The following NPHP4 variants were observed in gnomAD, a reference collection of about 807,000 sequenced individuals.
NPHP4 encodes nephrocystin-4.
In NPHP4, 151 loss-of-function variants were observed where a neutral mutation model predicts 155.8. The observed-to-expected ratio is 0.97, with a 90% CI of 0.85 to 1.11. The LOEUF is 1.11. NPHP4 is among the 50% of genes least tolerant of loss of function. The pLI is 0.00. For synonymous variants in NPHP4, 845 were observed against 816.8 expected (o/e 1.03, Z -0.59); for missense variants, 1,956 against 1,925.7 (o/e 1.02, Z -0.29).
intron 11 of NPHP4, among the ~76,000 whole-genome samples, chr1:5,913,966 G>A (rs933543164): frequency 1.3e-5 from 2 of 152,014 alleles, no homozygotes; most frequent in Non-Finnish European, 2.9e-5. Context: ...CCCCATGGCC[G>A]CCAGGCACGC....
intron 19 of NPHP4, among the ~76,000 whole-genome samples, chr1:5,878,084 G>C (rs1642807105): frequency 1.3e-5 from 2 of 152,290 alleles, no homozygotes; most frequent in South Asian, 4.1e-4. Flanking sequence ...GGGCAGCTGA[G>C]AGGCGCCCCA....
chr1:5,967,610 G>A (rs1271904532), intron 4 of NPHP4, among the ~76,000 whole-genome samples: 1 of 152,162 alleles, frequency 6.6e-6, no homozygotes, highest in African/African-American at 2.4e-5. Flanking sequence ...GAGCTTTCCT[G>A]GAAAACACCA....
intron 19 of NPHP4, among the ~76,000 whole-genome samples, chr1:5,878,566 G>A (rs1642862865): frequency 6.6e-6 from 1 of 152,242 alleles, no homozygotes; most frequent in Non-Finnish European, 1.5e-5. Context: ...ACGAAGCACT[G>A]AGAACCTTCT....
chr1:5,921,019 T>A (rs1295625056), intron 11 of NPHP4, among the ~76,000 whole-genome samples: 1 of 152,272 alleles, frequency 6.6e-6, no homozygotes, highest in East Asian at 1.9e-4. Flanking sequence ...CATCCCATTT[T>A]ACAGCTGAGG....
chr1:5,939,439 A>G (rs955691865), intron 9 of NPHP4, among the ~76,000 whole-genome samples: 2 of 152,124 alleles, frequency 1.3e-5, no homozygotes, highest in African/African-American at 2.4e-5. Flanking sequence ...TCTGGGCCCC[A>G]GCGGCTGGCA....
chr1:5,877,250 A>T lies in NPHP4; in HGVS notation c.2660T>A (p.Leu887Gln). ...AQKLADVDSE[L>Q]AAMLLTHARQ... is the part of the protein sequence containing the mutation. ...GGCATGGGTCAGTAGCATGGCAGCC[A>T]GCTCACTGTCCACGTCCGCCAGCTT... is the stretch of plus-strand genomic sequence containing the variant. Residue 887 changes from leucine to glutamine, a missense_variant, in exon 20 of 30, where the codon CTG (leucine) becomes CAG (glutamine). Coordinates refer to ENST00000378156, the MANE Select transcript of NPHP4 (RefSeq NM_015102.5). 6.2e-7 allele frequency: 1 copy of T among 1,608,458 alleles called. No individual in the cohort carries two copies. The highest frequency in any genetic ancestry group is 8.5e-7 in the Non-Finnish European group (1 of 1,176,092).
chr1:5,864,669 T>C lies in NPHP4; in HGVS notation c.3817-152A>G, dbSNP rs1641016819. Reference sequence around the variant, plus strand: ...TCTGAGGCCACAACCAACCCTGACATGACTGTGGCCGCGACTTGGGTCCAC... The same window carrying C: ...TCTGAGGCCACAACCAACCCTGACACGACTGTGGCCGCGACTTGGGTCCAC... On this transcript the variant is annotated intron_variant, in intron 27 of 29. Coordinates refer to ENST00000378156, the MANE Select transcript of NPHP4 (RefSeq NM_015102.5). 18 of 638,402 alleles carry C rather than the reference T, an allele frequency of 2.8e-5. No homozygotes were observed. The East Asian group carries it at 5.1e-4, about 18-fold the overall frequency. The allele number at this position is 638,402 out of a possible 1,614,324, so 39.5% of individuals were successfully genotyped here.
At chr1:5,966,659 T>C (rs1570678743) in intron 5 of NPHP4, among the ~76,000 whole-genome samples, 1 of 152,100 alleles carries the variant, frequency 6.6e-6, no homozygotes, top group East Asian at 1.9e-4. Context: ...CAGATCCACC[T>C]CCGGCCACTC....
At position 5,887,349 on chromosome 1, in the gene NPHP4, C is replaced by T. The variant is rs1376193724; in HGVS notation, c.2422G>A (p.Val808Ile). The T allele has an allele frequency of 1.9e-6, 3 of 1,613,576 alleles. No individual in the cohort carries two copies. The highest frequency in any genetic ancestry group is 1.6e-4 in the Middle Eastern group (1 of 6,062). The part of the protein sequence containing the change: ...VSGDMLGFGR[V>I]KPIGVHSVVK... ...ACCGAGTGGACGCCGATGGGCTTGA[C>T]GCGGCCAAACCCCAGCATGTCTCCA... The change falls in exon 18 of 30, where the codon GTC becomes ATC. Residue 808 changes from valine (V) to isoleucine (I), a missense_variant. Physicochemically the swap from Val to Ile is conservative, Grantham distance 29. Transcript: ENST00000378156.
rs542074966 is a variant in NPHP4 at position 5,990,431 on chromosome 1, A to G, written c.-39+1813T>C. On this transcript the variant is annotated intron_variant, in intron 1 of 29. Transcript: ENST00000378156. The stretch of plus-strand genomic sequence containing the variant: ...GGTCTTGAACCCAAGAAAAGGGTAC[A>G]GTGGGCTCTCCAGGGGAAAAAAAAA... Among the ~76,000 whole-genome samples, 4 of 152,192 alleles carry G rather than the reference A, an allele frequency of 2.6e-5. No individual in the cohort carries two copies. In the South Asian group the frequency reaches 8.3e-4, roughly 32 times the overall value.
intron 11 of NPHP4, 69 bp from the exon 12 acceptor site, chr1:5,909,282 AC>A: frequency 8.0e-7 from 1 of 1,255,922 alleles, no homozygotes; most frequent in Non-Finnish European, 1.1e-6. Context: ...GGGCCCCTGA[AC>A]CCCCACGCAG....
chr1:5,931,492 C>T (rs1646270850), intron 10 of NPHP4, among the ~76,000 whole-genome samples: 1 of 151,530 alleles, frequency 6.6e-6, no homozygotes, highest in Non-Finnish European at 1.5e-5. Context: ...GCAATCCCAG[C>T]ACTTTGAGAG....
intron 23 of NPHP4, among the ~76,000 whole-genome samples, chr1:5,870,501 C>T (rs977680053): frequency 6.6e-6 from 1 of 152,104 alleles, no homozygotes; most frequent in African/African-American, 2.4e-5. Context: ...CCAACTCGGG[C>T]CAGGTCATCA....
intron 2 of NPHP4, among the ~76,000 whole-genome samples, chr1:5,980,272 G>C (rs1047338102): frequency 6.6e-6 from 1 of 152,218 alleles, no homozygotes; most frequent in Non-Finnish European, 1.5e-5. Flanking sequence ...CTGAGTAACA[G>C]ACAGGGTCTC....
chr1:5,907,178 C>T lies in NPHP4; in HGVS notation c.1548G>A (p.Gln516=), dbSNP rs777423991. 8 of 1,591,820 alleles carry T rather than the reference C, an allele frequency of 5.0e-6. No individual in the cohort carries two copies. The South Asian group carries it at 8.1e-5, about 16-fold the overall frequency. Residue 516 remains glutamine (Q), a synonymous_variant, in exon 13 of 30, where the codon CAG becomes CAA. Coordinates refer to ENST00000378156, the MANE Select transcript of NPHP4 (RefSeq NM_015102.5). ...GTGAAGTAGGCCTGGCCAAGCAGTG[C>T]TGAGTCGGGGACCGCGGGGAGGCCG... The part of the protein sequence containing the change: ...QLAASPRSPT[Q]HCLARPTSQL...
At chr1:5,865,433 A>C in intron 26 of NPHP4, 160 bp from the exon 27 acceptor site, 1 of 609,420 alleles carries the variant, frequency 1.6e-6, no homozygotes, top group South Asian at 3.1e-5. Context: ...CCACGCAGGG[A>C]AAGCCCCGGA....
chr1:5,869,347 C>G (rs575054659), intron 23 of NPHP4, among the ~76,000 whole-genome samples: 1 of 151,024 alleles, frequency 6.6e-6, no homozygotes, highest in Non-Finnish European at 1.5e-5. Context: ...CACACATGCA[C>G]GCACACACAC....
chr1:5,876,357 T>TC (rs1180994747), intron 20 of NPHP4: 4 of 152,470 alleles, frequency 2.6e-5, no homozygotes, highest in Non-Finnish European at 2.9e-5. Flanking sequence ...AGCCCACCAG[T>TC]CCTGTGGGAT....
intron 7 of NPHP4, among the ~76,000 whole-genome samples, chr1:5,948,559 C>G (rs1189179143): frequency 6.6e-6 from 1 of 152,182 alleles, no homozygotes; most frequent in Non-Finnish European, 1.5e-5. Context: ...GCTGGGCTGA[C>G]CATTCTCAAG....
Sources: gnomAD v4.1 joint callset for allele counts (sites outside exome capture counted in the v4.1 genomes callset) on GRCh38, gnomAD v4.1.1 for gene constraint, MANE v1.5 for transcripts, NCBI Gene and HGNC (gene_info 2026-07-23, HGNC 2026-07-21) for gene names.